Variants in SPPL3 observed in about 807,000 individuals in gnomAD.
SPPL3 encodes the protein signal peptide peptidase-like 3.
SPPL3 carries 5 observed loss-of-function variants against 42.4 expected under a neutral mutation model. The ratio of observed to expected loss-of-function variants is 0.12; its 90% confidence interval spans 0.06 to 0.25. The LOEUF (loss-of-function observed/expected upper bound fraction) is 0.25, where lower values mean the gene tolerates loss of function less well. Ranked by LOEUF, SPPL3 falls within the 10% of genes least tolerant of loss-of-function variation. The pLI, the probability that SPPL3 is intolerant of heterozygous loss-of-function variation, is 1.00. For missense variants in SPPL3, 235 were observed against 489.0 expected (o/e 0.48, Z 4.90); for synonymous variants, 195 against 181.8 (o/e 1.07, Z -0.58).
intron 1 of SPPL3, among the ~76,000 whole-genome samples, chr12:120,825,637 T>C (rs1290732053): frequency 1.3e-5 from 2 of 152,200 alleles, no homozygotes; most frequent in Non-Finnish European, 2.9e-5. Context: ...TAAATTATGG[T>C]GTACTTGAAG....
intron 6 of SPPL3, among the ~76,000 whole-genome samples, chr12:120,780,797 C>T (rs1440438363): frequency 6.6e-6 from 1 of 151,388 alleles, no homozygotes; most frequent in Non-Finnish European, 1.5e-5. Context: ...CCCACAATCC[C>T]AGCTACTTGG....
chr12:120,798,957 G>A (rs1018145405), intron 2 of SPPL3, among the ~76,000 whole-genome samples: 1 of 152,148 alleles, frequency 6.6e-6, no homozygotes, highest in African/African-American at 2.4e-5. Flanking sequence ...CCCCCCGCGG[G>A]ACAGGATGAA....
At chr12:120,873,135 GA>G (rs1314498897) in intron 1 of SPPL3, among the ~76,000 whole-genome samples, 1 of 152,146 alleles carries the variant, frequency 6.6e-6, no homozygotes, top group Non-Finnish European at 1.5e-5. Flanking sequence ...GACCCAAATG[GA>G]AACTGTAAAG....
At chr12:120,834,006 T>C (rs1210766156) in intron 1 of SPPL3, among the ~76,000 whole-genome samples, 2 of 152,198 alleles carry the variant, frequency 1.3e-5, no homozygotes, top group Non-Finnish European at 2.9e-5. Flanking sequence ...TTTTCACATG[T>C]GCTCTACTTT....
At chr12:120,854,994 A>C (rs1367051454) in intron 1 of SPPL3, among the ~76,000 whole-genome samples, 1 of 152,138 alleles carries the variant, frequency 6.6e-6, no homozygotes, top group Non-Finnish European at 1.5e-5. Flanking sequence ...ACCCTCCACA[A>C]GGGGCAGGGA....
chr12:120,851,905 G>A (rs1029541957), intron 1 of SPPL3, among the ~76,000 whole-genome samples: 3 of 152,054 alleles, frequency 2.0e-5, no homozygotes, highest in Non-Finnish European at 2.9e-5. Context: ...TACCTGGCCC[G>A]TTTCACACTG....
intron 3 of SPPL3, among the ~76,000 whole-genome samples, chr12:120,786,458 T>C (rs1869723275): frequency 1.3e-5 from 2 of 151,788 alleles, no homozygotes; most frequent in African/African-American, 4.8e-5. Flanking sequence ...CATCAGGGAG[T>C]CTATAGACAG....
intron 2 of SPPL3, among the ~76,000 whole-genome samples, chr12:120,794,339 T>G (rs1870026635): frequency 1.3e-5 from 2 of 152,220 alleles, no homozygotes; most frequent in South Asian, 4.1e-4. Flanking sequence ...GTGTGCTTCT[T>G]GTAAGCAGCA....
At chr12:120,847,246 G>A (rs551393143) in intron 1 of SPPL3, among the ~76,000 whole-genome samples, 12 of 152,002 alleles carry the variant, frequency 7.9e-5, no homozygotes, top group East Asian at 3.9e-4. Context: ...AGAATTTAGC[G>A]TCTCTTTGGG....
chr12:120,811,024 C>A (rs985009725), intron 1 of SPPL3, 138 bp from the exon 2 acceptor site: 2 of 526,400 alleles, frequency 3.8e-6, no homozygotes, highest in Non-Finnish European at 3.3e-6. Flanking sequence ...TTAGCATTAA[C>A]AAAATAACAC....
chr12:120,903,733 C>CG (rs35912287), intron 1 of SPPL3, 112 bp downstream of exon 1: 3 of 344,592 alleles, frequency 8.7e-6, no homozygotes, highest in African/African-American at 6.4e-5. Context: ...CCAACCCGCG[C>CG]CCCCCCCCCA....
chr12:120,838,611 T>C (rs1174832939), intron 1 of SPPL3, among the ~76,000 whole-genome samples: 2 of 152,262 alleles, frequency 1.3e-5, no homozygotes, highest in African/African-American at 4.8e-5. Flanking sequence ...GGCTCTCTGT[T>C]CTTTGTGTCC....
intron 3 of SPPL3, among the ~76,000 whole-genome samples, chr12:120,787,600 T>A (rs1005753206): frequency 6.6e-6 from 1 of 152,080 alleles, no homozygotes; most frequent in African/African-American, 2.4e-5. Flanking sequence ...TTAATACCAC[T>A]CAAGTCAAGA....
intron 10 of SPPL3, among the ~76,000 whole-genome samples, 157 bp downstream of exon 10, chr12:120,766,098 GCGCACACA>G (rs1347610241): frequency 0.038 from 5,447 of 143,958 alleles, 305 homozygotes; most frequent in African/African-American, 0.12. Context: ...TAGCGCGCGC[GCGCACACA>G]CACACACACA....
intron 10 of SPPL3, among the ~76,000 whole-genome samples, chr12:120,765,561 A>G (rs1868857708): frequency 6.6e-6 from 1 of 152,074 alleles, no homozygotes; most frequent in Non-Finnish European, 1.5e-5. Context: ...TACAGGCGTG[A>G]GCCACCATGC....
intron 3 of SPPL3, among the ~76,000 whole-genome samples, chr12:120,786,224 G>T (rs1222775700): frequency 6.6e-6 from 1 of 152,184 alleles, no homozygotes; most frequent in Non-Finnish European, 1.5e-5. Context: ...AGTCTGTCCT[G>T]ACCCTAGTCA....
intron 1 of SPPL3, among the ~76,000 whole-genome samples, chr12:120,861,367 G>GT (rs1481526453): frequency 1.7e-4 from 26 of 152,310 alleles, no homozygotes; most frequent in Non-Finnish European, 1.9e-4. Context: ...ACAGAAAAAG[G>GT]AAGGAGACAA....
At chr12:120,822,969 T>A (rs917073804) in intron 1 of SPPL3, among the ~76,000 whole-genome samples, 2 of 151,188 alleles carry the variant, frequency 1.3e-5, no homozygotes, top group Non-Finnish European at 1.5e-5. Flanking sequence ...CACCAAGAAT[T>A]GCCTAACAGG....
chr12:120,870,798 G>A (rs1872896298), intron 1 of SPPL3, among the ~76,000 whole-genome samples: 1 of 152,104 alleles, frequency 6.6e-6, no homozygotes, highest in Admixed American at 6.6e-5. Context: ...CATAGACAGT[G>A]GAATGGTGGC....
Sources: allele counts gnomAD v4.1 joint callset (sites outside exome capture counted in the v4.1 genomes callset), GRCh38; gene constraint gnomAD v4.1.1; transcripts MANE v1.5; gene names NCBI Gene and HGNC (gene_info 2026-07-23, HGNC 2026-07-21).